Variants in ZNRF1 observed in about 807,000 individuals in gnomAD.
ZNRF1 encodes E3 ubiquitin-protein ligase ZNRF1.
ZNRF1 carries 3 observed loss-of-function variants against 18.4 expected under a neutral mutation model. That is an observed-to-expected ratio of 0.16 (90% confidence interval 0.07 to 0.42). The LOEUF (loss-of-function observed/expected upper bound fraction) is 0.42. Among genes scored for constraint, ZNRF1 ranks in the 10% least tolerant of loss-of-function variants. The pLI is 0.99. For missense variants in ZNRF1, 310 were observed against 329.8 expected, an observed-to-expected ratio of 0.94 and a Z score of 0.47; for synonymous variants, 157 against 144.2, an observed-to-expected ratio of 1.09 and a Z score of -0.64.
At chr16:75,002,497 A>G (rs2034864490) in intron 1 of ZNRF1, 1 of 152,096 alleles carries the variant, frequency 6.6e-6, no homozygotes, top group African/African-American at 2.4e-5. Flanking sequence ...TGCTCTTGCA[A>G]CTCTTCATGG....
intron 3 of ZNRF1, 115 bp from the exon 4 acceptor site, chr16:75,106,367 C>G: frequency 1.9e-6 from 2 of 1,044,780 alleles, no homozygotes; most frequent in Non-Finnish European, 2.9e-6. Flanking sequence ...CCCTGGGGTC[C>G]TTTCAGAAGA....
chr16:75,005,862 G>A (rs2034910740), intron 1 of ZNRF1, among the ~76,000 whole-genome samples: 1 of 152,024 alleles, frequency 6.6e-6, no homozygotes, highest in Non-Finnish European at 1.5e-5. Context: ...CTGAGAAATG[G>A]GTCATTAAGG....
At chr16:75,031,580 T>C (rs914141900) in intron 1 of ZNRF1, among the ~76,000 whole-genome samples, 5 of 152,114 alleles carry the variant, frequency 3.3e-5, no homozygotes, top group African/African-American at 1.2e-4. Context: ...TGATCTCAGC[T>C]CACTGCAGCC....
At chr16:75,068,533 A>G (rs1418869827) in intron 1 of ZNRF1, among the ~76,000 whole-genome samples, 1 of 151,974 alleles carries the variant, frequency 6.6e-6, no homozygotes, top group Non-Finnish European at 1.5e-5. Flanking sequence ...TGTCTACTTG[A>G]TTGGTTTTGC....
At chr16:75,042,560 A>G (rs1446306726) in intron 1 of ZNRF1, among the ~76,000 whole-genome samples, 2 of 150,162 alleles carry the variant, frequency 1.3e-5, no homozygotes, top group Non-Finnish European at 2.9e-5. Context: ...TCATAAATGT[A>G]GTGGTTTATT....
At chr16:75,099,273 T>C (rs2036230806) in intron 2 of ZNRF1, among the ~76,000 whole-genome samples, 1 of 152,168 alleles carries the variant, frequency 6.6e-6, no homozygotes. Flanking sequence ...TATAGCTGGC[T>C]TAGAGAATTA....
chr16:75,023,838 C>T (rs990808321), intron 1 of ZNRF1, among the ~76,000 whole-genome samples: 7 of 151,870 alleles, frequency 4.6e-5, no homozygotes, highest in African/African-American at 1.7e-4. Context: ...TGGAGCCCTA[C>T]AGGGGCTCAG....
intron 1 of ZNRF1, among the ~76,000 whole-genome samples, chr16:75,042,448 T>TC (rs2035461605): frequency 6.7e-6 from 1 of 148,956 alleles, no homozygotes; most frequent in Non-Finnish European, 1.5e-5. Flanking sequence ...TCTTTCTTTT[T>TC]TTTTTTTTTT....
chr16:75,107,601 T>A (rs2036333232), intron 4 of ZNRF1, 132 bp from the exon 5 acceptor site: 1 of 416,624 alleles, frequency 2.4e-6, no homozygotes, highest in Admixed American at 2.5e-5. Context: ...AAATTCCCCG[T>A]GTGCTGTTTG....
intron 1 of ZNRF1, among the ~76,000 whole-genome samples, chr16:75,074,007 A>C (rs1338075698): frequency 1.3e-5 from 2 of 152,240 alleles, no homozygotes; most frequent in African/African-American, 4.8e-5. Flanking sequence ...AGAATCTTGC[A>C]GTGCTACCAC....
chr16:75,078,261 T>A lies in ZNRF1; in HGVS notation c.425-15311T>A, dbSNP rs140239063. On this transcript the variant is annotated intron_variant, in intron 1 of 4. Coordinates refer to ENST00000335325, the MANE Select transcript of ZNRF1 (RefSeq NM_032268.5). The stretch of plus-strand genomic sequence containing the variant: ...TTTTTCCATTATATCTGGCTGCTTG[T>A]TTTTTTAATTCTCTTCCATACATTT... Among the ~76,000 whole-genome samples, 370 of 152,102 alleles carry A rather than the reference T, an allele frequency of 2.4e-3. 1 individual carries two copies. The highest frequency in any genetic ancestry group is 8.4e-3 in the African/African-American group (348 of 41,500).
intron 1 of ZNRF1, among the ~76,000 whole-genome samples, chr16:75,049,530 C>G (rs1291035647): frequency 6.6e-6 from 1 of 152,120 alleles, no homozygotes; most frequent in Admixed American, 6.6e-5. Context: ...GGTGCAGTGG[C>G]TCACACCTGT....
intron 1 of ZNRF1, among the ~76,000 whole-genome samples, chr16:75,091,178 G>A (rs2145419611): frequency 6.6e-6 from 1 of 152,162 alleles, no homozygotes; most frequent in African/African-American, 2.4e-5. Flanking sequence ...AGCCAATGTG[G>A]CGAAACCTAG....
At chr16:75,009,258 C>T (rs1018288222) in intron 1 of ZNRF1, among the ~76,000 whole-genome samples, 1 of 152,180 alleles carries the variant, frequency 6.6e-6, no homozygotes, top group Non-Finnish European at 1.5e-5. Context: ...CCCCACCTCC[C>T]CAGTTTTGTT....
chr16:75,088,696 G>T (rs1597904471), intron 1 of ZNRF1, among the ~76,000 whole-genome samples: 1 of 152,172 alleles, frequency 6.6e-6, no homozygotes, highest in African/African-American at 2.4e-5. Flanking sequence ...TCTTGATCAG[G>T]TTATGTAATC....
chr16:75,002,057 A>G (rs1245742679), intron 1 of ZNRF1, among the ~76,000 whole-genome samples: 1 of 152,192 alleles, frequency 6.6e-6, no homozygotes. Context: ...TCTGCAAGAC[A>G]TCGAGCATAC....
intron 4 of ZNRF1, 25 bp downstream of exon 4, chr16:75,106,596 C>T (rs541882267): frequency 4.4e-6 from 7 of 1,606,110 alleles, no homozygotes; most frequent in African/African-American, 4.0e-5. Context: ...GGGGGTGCTC[C>T]GGGCTCAAGG....
intron 1 of ZNRF1, 130 bp from the exon 2 acceptor site, chr16:75,093,442 A>C (rs2036163920): frequency 3.0e-6 from 2 of 655,996 alleles, no homozygotes; most frequent in Non-Finnish European, 5.5e-6. Flanking sequence ...GGACAGGTCC[A>C]GGGTCTGTTC....
At chr16:75,050,727 T>C (rs923106669) in intron 1 of ZNRF1, among the ~76,000 whole-genome samples, 32 of 150,980 alleles carry the variant, frequency 2.1e-4, no homozygotes, top group African/African-American at 7.5e-4. Context: ...AAAAATTAGC[T>C]GGGCATGGTG....
Sources: allele counts gnomAD v4.1 joint callset (sites outside exome capture counted in the v4.1 genomes callset), GRCh38; gene constraint gnomAD v4.1.1; transcripts MANE v1.5; gene names NCBI Gene and HGNC (gene_info 2026-07-23, HGNC 2026-07-21).